The following ARHGEF2 variants were observed in gnomAD, a reference collection of about 807,000 sequenced individuals.
The protein encoded by ARHGEF2 is rho guanine nucleotide exchange factor 2.
ARHGEF2 carries 22 observed loss-of-function variants against 121.0 expected under a neutral mutation model. The ratio of observed to expected loss-of-function variants is 0.18; its 90% confidence interval spans 0.13 to 0.26. The LOEUF is 0.26. Among genes scored for constraint, ARHGEF2 ranks in the 10% least tolerant of loss-of-function variants. The pLI is 1.00. For synonymous variants in ARHGEF2, 487 were observed against 530.0 expected, an observed-to-expected ratio of 0.92 and a Z score of 1.11; for missense variants, 907 against 1,336.0, an observed-to-expected ratio of 0.68 and a Z score of 5.01.
rs537943228 is a variant in ARHGEF2 at position 155,952,349 on chromosome 1, G to A, written c.1985-114C>T. ...ATCTGGGGGAATGCCCCCTGCACTG[G>A]CAGTGGGGTTTCACTCACACAACCA... is the stretch of plus-strand genomic sequence containing the variant. On this transcript the variant is annotated intron_variant, in intron 15 of 21. Coordinates refer to ENST00000361247, the MANE Select transcript of ARHGEF2 (RefSeq NM_001162383.2). The A allele has an allele frequency of 6.9e-6, 10 of 1,447,160 alleles. No homozygotes were observed. The African/African-American group carries it at 9.8e-5, about 14-fold the overall frequency. The allele number at this position is 1,447,160 out of a possible 1,614,324, so 89.6% of individuals were successfully genotyped here.
At chr1:155,978,701 G>T (rs765129218), upstream of ARHGEF2, 50 of 918,350 alleles carry the variant, frequency 5.4e-5, no homozygotes, top group Non-Finnish European at 6.5e-5. This position sits in a 1 kb window ranked among gnomAD's most constrained non-coding sequence, Gnocchi z 4.1. Context: ...AGAGGTACGA[G>T]GGTCCTAGGA....
At chr1:155,966,218 C>A (rs559182351) in intron 4 of ARHGEF2, among the ~76,000 whole-genome samples, 198 bp downstream of exon 4, 1 of 152,260 alleles carries the variant, frequency 6.6e-6, no homozygotes, top group East Asian at 1.9e-4. Flanking sequence ...AGCCCTCATC[C>A]CCATTCGGAC....
In ARHGEF2 at chr1:155,952,229, C is replaced by G; in HGVS notation, c.1991G>C (p.Gly664Ala). The change falls in exon 16 of 22, where the codon GGT (glycine) becomes GCT (alanine). Residue 664 changes from glycine (G) to alanine (A), a missense_variant. Physicochemically the swap from Gly to Ala is moderately conservative, Grantham distance 60 (BLOSUM62 0). Coordinates refer to ENST00000361247, the MANE Select transcript of ARHGEF2 (RefSeq NM_001162383.2). ...LLQDAIREVE[G>A]LKDLLVGPGV... is the part of the protein sequence containing the mutation. ...TGGCCCCACCAGCAGGTCTTTCAGACCCTCCACTGTGGGGAAAGAGGAAGA... is the reference window on the plus strand; with the variant it reads ...TGGCCCCACCAGCAGGTCTTTCAGAGCCTCCACTGTGGGGAAAGAGGAAGA... 6.2e-7 allele frequency: 1 copy of G among 1,614,082 alleles called. No homozygotes were observed. The highest frequency in any genetic ancestry group is 1.1e-5 in the South Asian group (1 of 91,084).
At position 155,952,271 on chromosome 1, in the gene ARHGEF2, A is replaced by G. The variant is rs770350417; in HGVS notation, c.1985-36T>C. 5.0e-6 allele frequency: 8 copies of G among 1,612,116 alleles called. No homozygotes were observed. The South Asian group carries it at 8.8e-5, about 18-fold the overall frequency. On this transcript the variant is annotated intron_variant, in intron 15 of 21. Transcript: ENST00000361247. ...AGAGGAAGAGGTGAGAACAGGAATG[A>G]CACAGGACCCTGAGGGGAATGCCAT... is the stretch of plus-strand genomic sequence containing the variant.
upstream of ARHGEF2, chr1:155,978,588 C>T: frequency 7.9e-7 from 1 of 1,265,084 alleles, no homozygotes; most frequent in Non-Finnish European, 1.0e-6. This position sits in a 1 kb window ranked among gnomAD's most constrained non-coding sequence, Gnocchi z 4.1. Context: ...AAACCCGAGT[C>T]TCCTCCCCCG....
chr1:155,951,595 T>C lies in ARHGEF2; in HGVS notation c.2209-62A>G. On this transcript the variant is annotated intron_variant, in intron 18 of 21. Transcript: ENST00000361247. This position sits in a 1 kb window ranked among gnomAD's most constrained non-coding sequence, Gnocchi z 5.1. The stretch of plus-strand genomic sequence containing the variant: ...TAGGATGGGAGAACTGCCCAAAAGT[T>C]GAACAAGGGTGGGTGTGGGGACAGT... 6.2e-7 allele frequency: 1 copy of C among 1,611,826 alleles called. No homozygotes were observed. The highest frequency in any genetic ancestry group is 1.1e-5 in the South Asian group (1 of 91,044).
upstream of ARHGEF2, chr1:155,978,810 A>G (rs187101864): frequency 1.9e-4 from 180 of 951,828 alleles, no homozygotes; most frequent in Middle Eastern, 1.0e-3. The surrounding 1 kb of genome is among the most constrained non-coding windows in gnomAD (Gnocchi z 4.1). Context: ...CCTAAAACCC[A>G]GCCCCGCAGC....
chr1:155,970,625 G>T, intron 1 of ARHGEF2: 7 of 985,504 alleles, frequency 7.1e-6, no homozygotes, highest in Non-Finnish European at 8.4e-6. Flanking sequence ...CACTCAGCCC[G>T]GACTCTAGGA....
chr1:155,979,342 CA>C, upstream of ARHGEF2: 1 of 985,386 alleles, frequency 1.0e-6, no homozygotes, highest in Non-Finnish European at 1.2e-6. Context: ...GACCAGAAAC[CA>C]GCCTGCCCTA....
intron 1 of ARHGEF2, chr1:155,970,659 C>T: frequency 1.0e-6 from 1 of 985,586 alleles, no homozygotes; most frequent in Non-Finnish European, 1.2e-6. Context: ...TCAGCCGAGG[C>T]CACGAGGCCA....
intron 1 of ARHGEF2, chr1:155,972,226 C>A: frequency 2.1e-6 from 1 of 466,888 alleles, no homozygotes. Flanking sequence ...GTACTCTGGG[C>A]CCTGCCTCCT....
chr1:155,950,238 C>T lies in ARHGEF2; in HGVS notation c.2887+61G>A. On this transcript the variant is annotated intron_variant, in intron 21 of 21. Coordinates refer to ENST00000361247, the MANE Select transcript of ARHGEF2 (RefSeq NM_001162383.2). This position sits in a 1 kb window ranked among gnomAD's most constrained non-coding sequence, Gnocchi z 5.2. ...GTTAGGGCCCATTTGGAAGCCACAG[C>T]CCAATGGCCTGTACCCAGGCTGCAC... The T allele has an allele frequency of 6.3e-7, 1 of 1,582,176 alleles. No individual in the cohort carries two copies. Among genetic ancestry groups the T allele is most frequent in the Middle Eastern group, 2.3e-4 (1 of 4,386 alleles).
At chr1:155,977,344 G>A (rs894939050) in intron 1 of ARHGEF2, among the ~76,000 whole-genome samples, 3 of 152,124 alleles carry the variant, frequency 2.0e-5, no homozygotes, top group Non-Finnish European at 2.9e-5. Context: ...GTGTGGAAAG[G>A]TCAGGGCACT....
upstream of ARHGEF2, chr1:155,978,997 C>T (rs1681859354): frequency 2.0e-6 from 2 of 985,632 alleles, no homozygotes; most frequent in South Asian, 9.4e-5. This position sits in a 1 kb window ranked among gnomAD's most constrained non-coding sequence, Gnocchi z 4.1. Flanking sequence ...TCCTGGCCTT[C>T]GGGGTCCCAT....
intron 11 of ARHGEF2, among the ~76,000 whole-genome samples, chr1:155,959,304 AG>A (rs1677404927): frequency 6.6e-6 from 1 of 152,060 alleles, no homozygotes; most frequent in African/African-American, 2.4e-5. Context: ...GCTGGAGTGC[AG>A]TGGTGCCATC....
Position 155,961,627 on chromosome 1 carries a change from T to C in ARHGEF2, c.1468+34A>G, listed in dbSNP as rs1298232145. On this transcript the variant is annotated intron_variant, in intron 11 of 21. Transcript: ENST00000361247. This position sits in a 1 kb window ranked among gnomAD's most constrained non-coding sequence, Gnocchi z 4.7. ...GCATCTCCCACTCTCCATCTGACTT[T>C]GAATTCCTGCCTAGTCTGCCGAGCA... is the stretch of plus-strand genomic sequence containing the variant. The C allele has an allele frequency of 6.3e-7, 1 of 1,590,966 alleles. No individual in the cohort carries two copies.
At position 155,951,313 on chromosome 1, in the gene ARHGEF2, T is replaced by C; in HGVS notation, c.2260-41A>G. The C allele has an allele frequency of 6.4e-7, 1 of 1,571,166 alleles. No homozygotes were observed. Among genetic ancestry groups the C allele is most frequent in the Non-Finnish European group, 8.7e-7 (1 of 1,155,072 alleles). ...AGGCAGAAGGGTTTATCAGAACCCC[T>C]GTGCTCTTCTACCCCTCGCCTTCAC... On this transcript the variant is annotated intron_variant, in intron 19 of 21. Coordinates refer to ENST00000361247, the MANE Select transcript of ARHGEF2 (RefSeq NM_001162383.2). The surrounding 1 kb of genome is among the most constrained non-coding windows in gnomAD (Gnocchi z 5.1).
rs761841423 is a variant in ARHGEF2 at position 155,965,284 on chromosome 1, T to C, written c.580+19A>G. On this transcript the variant is annotated intron_variant, in intron 6 of 21. Transcript: ENST00000361247. The surrounding 1 kb of genome is among the most constrained non-coding windows in gnomAD (Gnocchi z 6.0). Reference sequence around the variant, plus strand: ...CTCTTCATGTTCCTCAGGGCTCCCCTGGGCCCAGGCCTGCTCACCTTCGTC... The same window carrying C: ...CTCTTCATGTTCCTCAGGGCTCCCCCGGGCCCAGGCCTGCTCACCTTCGTC... 11 of 1,612,686 alleles carry C rather than the reference T, an allele frequency of 6.8e-6. No homozygotes were observed. In the South Asian group the frequency reaches 8.8e-5, roughly 13 times the overall value.
In ARHGEF2 at chr1:155,950,427, C is replaced by T. The variant is rs539956003; in HGVS notation, c.2759G>A (p.Arg920Gln). 161 of 1,614,076 alleles carry T rather than the reference C, an allele frequency of 1.0e-4. No homozygotes were observed. The highest frequency in any genetic ancestry group is 1.3e-4 in the Non-Finnish European group (153 of 1,180,046). The change falls in exon 21 of 22, where the codon CGA becomes CAA. Residue 920 changes from arginine (R) to glutamine (Q), a missense_variant. By Grantham distance (43) the Arg-to-Gln change is conservative (BLOSUM62 1). This residue lies in a region of ARHGEF2 where 432 missense variants were observed against 559.5 expected (regional missense o/e 0.77). Coordinates refer to ENST00000361247, the MANE Select transcript of ARHGEF2 (RefSeq NM_001162383.2). This position sits in a 1 kb window ranked among gnomAD's most constrained non-coding sequence, Gnocchi z 5.2. The part of the protein sequence containing the change: ...DLPVTTRSVH[R>Q]NFEDRERQEL... Reference sequence around the variant, plus strand: ...CTGCCTCTCTCGGTCCTCAAAGTTTCGATGGACAGAGCGAGTAGTGACAGG... The same window carrying T: ...CTGCCTCTCTCGGTCCTCAAAGTTTTGATGGACAGAGCGAGTAGTGACAGG...
Sources: allele counts gnomAD v4.1 joint callset (sites outside exome capture counted in the v4.1 genomes callset), GRCh38; gene constraint gnomAD v4.1.1; regional missense constraint gnomAD v4.1.1; non-coding constraint Gnocchi (gnomAD v3.1); transcripts MANE v1.5; gene names NCBI Gene and HGNC (gene_info 2026-07-23, HGNC 2026-07-21).